DAGLA: variants seen among roughly 807,000 people sequenced by gnomAD.
DAGLA encodes the protein diacylglycerol lipase alpha.
DAGLA carries 22 observed loss-of-function variants against 102.6 expected under a neutral mutation model. The observed-to-expected ratio is 0.21, with a 90% CI of 0.15 to 0.31. DAGLA has a LOEUF of 0.31. Among genes scored for constraint, DAGLA ranks in the 10% least tolerant of loss-of-function variants. The probability of loss-of-function intolerance (pLI) is 1.00; values close to 1 mark genes in which losing one functional copy is unlikely to be tolerated. For synonymous variants in DAGLA, 578 were observed against 628.9 expected (o/e 0.92, Z 1.21); for missense variants, 927 against 1,446.6 (o/e 0.64, Z 5.83).
intron 1 of DAGLA, among the ~76,000 whole-genome samples, chr11:61,700,400 C>G (rs1222076635): frequency 1.3e-5 from 2 of 152,054 alleles, no homozygotes; most frequent in African/African-American, 4.8e-5. Context: ...TGAGTCAGCC[C>G]CAGGAACTTG....
At chr11:61,698,347 G>A (rs915136575) in intron 1 of DAGLA, among the ~76,000 whole-genome samples, 1 of 152,230 alleles carries the variant, frequency 6.6e-6, no homozygotes, top group Admixed American at 6.5e-5. Context: ...AGAATGAGGA[G>A]CGCATGTTCT....
At chr11:61,730,970 G>A (rs2065368733) in intron 8 of DAGLA, among the ~76,000 whole-genome samples, 1 of 152,170 alleles carries the variant, frequency 6.6e-6, no homozygotes, top group African/African-American at 2.4e-5. Flanking sequence ...TTGCCGAGGT[G>A]GGGGGATTAC....
At chr11:61,715,465 C>T (rs1223860519) in intron 1 of DAGLA, among the ~76,000 whole-genome samples, 3 of 152,232 alleles carry the variant, frequency 2.0e-5, no homozygotes, top group Non-Finnish European at 4.4e-5. Flanking sequence ...CCTTCTTCCC[C>T]CCCATCCCCC....
At chr11:61,685,670 G>T (rs920062503) in intron 1 of DAGLA, among the ~76,000 whole-genome samples, 2 of 152,178 alleles carry the variant, frequency 1.3e-5, no homozygotes, top group Non-Finnish European at 2.9e-5. Flanking sequence ...AGAAATGAGT[G>T]ATGCCAGAGG....
At chr11:61,683,379 G>T (rs942938664) in intron 1 of DAGLA, among the ~76,000 whole-genome samples, 2 of 152,168 alleles carry the variant, frequency 1.3e-5, no homozygotes, top group African/African-American at 4.8e-5. Context: ...GGTCTGAGGG[G>T]TATCCATGGC....
At chr11:61,741,463 A>G (rs1197853392) in intron 19 of DAGLA, 114 bp downstream of exon 19, 1 of 1,196,448 alleles carries the variant, frequency 8.4e-7, no homozygotes, top group Non-Finnish European at 1.1e-6. Context: ...ACACGTGCAC[A>G]GGAGGGGTCA....
intron 6 of DAGLA, among the ~76,000 whole-genome samples, chr11:61,726,599 G>A (rs2065329208): frequency 6.6e-6 from 1 of 152,214 alleles, no homozygotes; most frequent in East Asian, 1.9e-4. Flanking sequence ...AGGGAGGCAG[G>A]CCCCGGGATC....
At chr11:61,736,148 G>A in intron 12 of DAGLA, 122 bp from the exon 13 acceptor site, 1 of 783,360 alleles carries the variant, frequency 1.3e-6, no homozygotes, top group Non-Finnish European at 2.2e-6. Context: ...CCACAGCTGG[G>A]TTGTCACGAG....
intron 13 of DAGLA, 54 bp from the exon 14 acceptor site, chr11:61,737,128 A>T (rs1591052227): frequency 6.2e-7 from 1 of 1,610,228 alleles, no homozygotes; most frequent in East Asian, 2.2e-5. Flanking sequence ...GTTGGCTAAG[A>T]CAGTCGCTTG....
chr11:61,705,909 G>A (rs890974232), intron 1 of DAGLA, among the ~76,000 whole-genome samples: 8 of 152,234 alleles, frequency 5.3e-5, no homozygotes, highest in Non-Finnish European at 7.3e-5. Context: ...ATCTGTGGGT[G>A]TTGGTGTCTT....
At position 61,737,280 on chromosome 11, in the gene DAGLA, G is replaced by A. The variant is rs78053755; in HGVS notation, c.1470G>A (p.Pro490=). 11 of 1,612,788 alleles carry A rather than the reference G, an allele frequency of 6.8e-6. No homozygotes were observed. The Admixed American group carries it at 8.3e-5, about 12-fold the overall frequency. The part of the protein sequence containing the change: ...ILSFLLRPQY[P]TLKCFAYSPP... The stretch of plus-strand genomic sequence containing the variant: ...CCTTCCTTCTGCGCCCACAGTATCC[G>A]ACCCTCAAGTGCTTTGCCTACTCCC... Residue 490 remains proline (P), a synonymous_variant, in exon 14 of 20, where the codon CCG becomes CCA. Transcript: ENST00000257215.
chr11:61,718,370 G>A (rs930810158), intron 1 of DAGLA, among the ~76,000 whole-genome samples: 1 of 152,072 alleles, frequency 6.6e-6, no homozygotes, highest in African/African-American at 2.4e-5. Context: ...AGCCCCCTGA[G>A]CCCGACCCAG....
chr11:61,723,766 T>C (rs1006229561), intron 5 of DAGLA, among the ~76,000 whole-genome samples, 194 bp downstream of exon 5: 2 of 152,258 alleles, frequency 1.3e-5, no homozygotes, highest in Non-Finnish European at 2.9e-5. Flanking sequence ...ATAATAACAA[T>C]TCTTGTCTCA....
chr11:61,729,481 GCC>G (rs1482078386), intron 8 of DAGLA, among the ~76,000 whole-genome samples: 2 of 151,892 alleles, frequency 1.3e-5, no homozygotes, highest in Non-Finnish European at 2.9e-5. Flanking sequence ...ACAGCCCAGG[GCC>G]CAGTACAGCC....
chr11:61,740,903 A>G (rs528217820), intron 18 of DAGLA, among the ~76,000 whole-genome samples: 6 of 152,290 alleles, frequency 3.9e-5, no homozygotes, highest in Non-Finnish European at 5.9e-5. Flanking sequence ...AAGCAGCGAC[A>G]GCCACAGCCA....
Position 61,703,840 on chromosome 11 carries a change from A to G in DAGLA, c.-44-16272A>G, listed in dbSNP as rs371953526. Among the ~76,000 whole-genome samples the G allele has an allele frequency of 2.0e-5, 3 of 152,386 alleles. No individual in the cohort carries two copies. The East Asian group carries it at 5.8e-4, about 29-fold the overall frequency. On this transcript the variant is annotated intron_variant, in intron 1 of 19. Coordinates refer to ENST00000257215, the MANE Select transcript of DAGLA (RefSeq NM_006133.3). ...AAGCATAACAAATGTATTTAATCAA[A>G]GTTTTACGTGACATGGGAGCCTTCA...
chr11:61,728,405 G>A (rs186727889), intron 7 of DAGLA, 118 bp downstream of exon 7: 45 of 1,298,088 alleles, frequency 3.5e-5, no homozygotes, highest in Middle Eastern at 2.2e-4. Flanking sequence ...CAGTGACCAC[G>A]CACTCTCTTG....
chr11:61,718,489 G>GC (rs557929285), intron 1 of DAGLA, among the ~76,000 whole-genome samples: 10 of 151,906 alleles, frequency 6.6e-5, no homozygotes, highest in African/African-American at 2.4e-4. Flanking sequence ...CGGTGCCCCA[G>GC]CCCCCCCTCC....
intron 8 of DAGLA, among the ~76,000 whole-genome samples, chr11:61,729,249 G>A (rs951160264): frequency 6.6e-6 from 1 of 152,248 alleles, no homozygotes; most frequent in African/African-American, 2.4e-5. Context: ...GAAGTGTCTG[G>A]TCCTGGCCTC....
Sources: gnomAD v4.1 joint callset for allele counts (sites outside exome capture counted in the v4.1 genomes callset) on GRCh38, gnomAD v4.1.1 for gene constraint, MANE v1.5 for transcripts, NCBI Gene and HGNC (gene_info 2026-07-23, HGNC 2026-07-21) for gene names.